Variants in GPC5 observed in about 807,000 individuals in gnomAD.
GPC5 encodes the protein glypican 5.
A neutral mutation model predicts 53.9 loss-of-function variants in GPC5; 47 were observed. The ratio of observed to expected loss-of-function variants is 0.87; its 90% CI spans 0.69 to 1.11. The LOEUF is 1.11. Ranked by LOEUF, GPC5 falls within the 50% of genes most tolerant of loss-of-function variation. The pLI is 0.00. For synonymous variants in GPC5, 286 were observed against 263.3 expected (o/e 1.09, Z -0.84); for missense variants, 748 against 713.1 (o/e 1.05, Z -0.56).
At chr13:92,204,300 A>G (rs1359607111) in intron 7 of GPC5, among the ~76,000 whole-genome samples, 1 of 152,224 alleles carries the variant, frequency 6.6e-6, no homozygotes, top group African/African-American at 2.4e-5. Context: ...GAGGTTTACC[A>G]TATATGCCAA....
At chr13:91,679,435 A>G (rs2035457841) in intron 2 of GPC5, among the ~76,000 whole-genome samples, 1 of 152,180 alleles carries the variant, frequency 6.6e-6, no homozygotes, top group Non-Finnish European at 1.5e-5. Context: ...TATACATGGA[A>G]AAATAGCTAG....
chr13:91,802,783 G>C (rs375122360), intron 5 of GPC5, among the ~76,000 whole-genome samples: 1 of 152,066 alleles, frequency 6.6e-6, no homozygotes, highest in Admixed American at 6.6e-5. Flanking sequence ...CCTTGGACTC[G>C]CAATCAAAAG....
intron 2 of GPC5, among the ~76,000 whole-genome samples, chr13:91,661,797 G>A (rs1377554832): frequency 1.3e-5 from 2 of 152,160 alleles, no homozygotes; most frequent in African/African-American, 4.8e-5. Context: ...TGGAATCAGA[G>A]AAAGTGAGAG....
intron 7 of GPC5, chr13:92,447,742 G>A (rs2139394721): frequency 6.6e-6 from 1 of 152,106 alleles, no homozygotes; most frequent in African/African-American, 2.4e-5. Context: ...TTTAACAAAT[G>A]ACCTCTGATT....
chr13:91,933,543 C>T (rs55712417), intron 6 of GPC5, among the ~76,000 whole-genome samples: 6,658 of 151,952 alleles, frequency 0.044, 383 homozygotes, highest in African/African-American at 0.14. Flanking sequence ...CTCATCCATG[C>T]AATGAAGAAA....
chr13:91,707,785 C>G lies in GPC5; in HGVS notation c.1020+13904C>G, dbSNP rs186807285. Among the ~76,000 whole-genome samples, 203 of 152,054 alleles carry G rather than the reference C, an allele frequency of 1.3e-3. 1 individual carries two copies. The highest frequency in any genetic ancestry group is 0.01 in the Middle Eastern group (3 of 294). On this transcript the variant is annotated intron_variant, in intron 3 of 7. Transcript: ENST00000377067. ...GTTAAATTGAGAGCTAGCATTTGACCCAGCTAATTTCATGCCAAGGTATAT... is the reference window on the plus strand; with the variant it reads ...GTTAAATTGAGAGCTAGCATTTGACGCAGCTAATTTCATGCCAAGGTATAT...
chr13:92,291,101 T>C (rs929781529), intron 7 of GPC5, among the ~76,000 whole-genome samples: 1 of 152,152 alleles, frequency 6.6e-6, no homozygotes, highest in Non-Finnish European at 1.5e-5. Context: ...GCTTGGGACC[T>C]GCAGCCCGCC....
intron 6 of GPC5, among the ~76,000 whole-genome samples, chr13:92,109,059 T>TG (rs1285777273): frequency 1.8e-4 from 24 of 134,952 alleles, no homozygotes; most frequent in Non-Finnish European, 6.4e-5. Context: ...ATCAATATGT[T>TG]GGTTTTTTTT....
At chr13:92,418,670 T>C (rs139208246) in intron 7 of GPC5, among the ~76,000 whole-genome samples, 71 of 152,336 alleles carry the variant, frequency 4.7e-4, no homozygotes, top group African/African-American at 1.7e-3. Context: ...TGTTAAAGTT[T>C]AGATAAGACT....
At chr13:91,537,095 G>GA (rs534570935) in intron 2 of GPC5, among the ~76,000 whole-genome samples, 1 of 151,594 alleles carries the variant, frequency 6.6e-6, no homozygotes, top group African/African-American at 2.4e-5. Context: ...CATTATGAAA[G>GA]AAAAAAAGGT....
chr13:92,752,418 C>G (rs1889429542), intron 7 of GPC5, among the ~76,000 whole-genome samples: 1 of 152,116 alleles, frequency 6.6e-6, no homozygotes, highest in Non-Finnish European at 1.5e-5. Context: ...AGTAATTGCA[C>G]TAAGTTGATG....
intron 7 of GPC5, among the ~76,000 whole-genome samples, chr13:92,407,971 A>G (rs933441060): frequency 2.0e-5 from 3 of 152,228 alleles, no homozygotes; most frequent in Non-Finnish European, 4.4e-5. Context: ...GGAACCCATT[A>G]GCATGTTAAA....
chr13:92,079,113 A>G (rs1379082495), intron 6 of GPC5, among the ~76,000 whole-genome samples: 4 of 151,936 alleles, frequency 2.6e-5, no homozygotes, highest in African/African-American at 9.7e-5. Context: ...GTGCAGTGGC[A>G]TGATCTTGGC....
intron 7 of GPC5, among the ~76,000 whole-genome samples, chr13:92,644,926 A>G (rs1885717024): frequency 6.6e-6 from 1 of 152,116 alleles, no homozygotes; most frequent in South Asian, 2.1e-4. Flanking sequence ...TGAGAACCAT[A>G]TAAGGTAAAC....
chr13:92,667,130 T>C (rs59734764), intron 7 of GPC5, among the ~76,000 whole-genome samples: 1,813 of 152,276 alleles, frequency 0.012, 33 homozygotes, highest in African/African-American at 0.042. Context: ...ACCTCTCTGA[T>C]CTACTGTTTT....
At chr13:91,529,529 C>A (rs1014407453) in intron 2 of GPC5, among the ~76,000 whole-genome samples, 1 of 152,112 alleles carries the variant, frequency 6.6e-6, no homozygotes, top group Admixed American at 6.5e-5. Context: ...AAAGTATATA[C>A]CTCGTATGGG....
intron 5 of GPC5, among the ~76,000 whole-genome samples, chr13:91,801,613 C>T (rs995966910): frequency 6.6e-6 from 1 of 152,142 alleles, no homozygotes; most frequent in Non-Finnish European, 1.5e-5. Flanking sequence ...TATGTATCTT[C>T]ATGTCACAAT....
At chr13:92,067,389 G>T (rs2041175852) in intron 6 of GPC5, among the ~76,000 whole-genome samples, 2 of 151,952 alleles carry the variant, frequency 1.3e-5, no homozygotes, top group African/African-American at 4.8e-5. Flanking sequence ...CTTTAATTCT[G>T]GTATGCGTGC....
chr13:92,042,665 A>C (rs2040950852), intron 6 of GPC5, among the ~76,000 whole-genome samples: 1 of 152,216 alleles, frequency 6.6e-6, no homozygotes, highest in Non-Finnish European at 1.5e-5. Flanking sequence ...TATTATTTTA[A>C]ATGTTTAATT....
Sources: allele counts gnomAD v4.1 joint callset (sites outside exome capture counted in the v4.1 genomes callset), GRCh38; gene constraint gnomAD v4.1.1; transcripts MANE v1.5; gene names NCBI Gene and HGNC (gene_info 2026-07-23, HGNC 2026-07-21).